Variants in PTK2 observed in about 807,000 individuals in gnomAD.
The protein encoded by PTK2 is focal adhesion kinase 1.
In PTK2, 45 loss-of-function variants were observed where a neutral mutation model predicts 150.1. The observed-to-expected ratio is 0.30, with a 90% CI of 0.24 to 0.38. PTK2 has a LOEUF of 0.38. Ranked by LOEUF, PTK2 falls within the 10% of genes least tolerant of loss-of-function variation. The pLI is 1.00. For missense variants in PTK2, 919 were observed against 1,307.3 expected, an observed-to-expected ratio of 0.70 and a Z score of 4.58; for synonymous variants, 432 against 449.2, an observed-to-expected ratio of 0.96 and a Z score of 0.48.
intron 5 of PTK2, among the ~76,000 whole-genome samples, chr8:140,862,538 C>G (rs1248023555): frequency 6.6e-6 from 1 of 152,160 alleles, no homozygotes; most frequent in African/African-American, 2.4e-5. Flanking sequence ...CGTAAACCCT[C>G]AAAACTTGTC....
At chr8:140,884,445 ACAAT>A (rs2100151292) in intron 3 of PTK2, among the ~76,000 whole-genome samples, 3 of 152,174 alleles carry the variant, frequency 2.0e-5, no homozygotes, top group East Asian at 1.9e-4. Context: ...TGAATCCGTA[ACAAT>A]CAATGTTCAA....
At chr8:140,926,879 G>C (rs919524854) in intron 1 of PTK2, among the ~76,000 whole-genome samples, 5 of 152,096 alleles carry the variant, frequency 3.3e-5, no homozygotes, top group African/African-American at 1.2e-4. Flanking sequence ...ACAAAACCCT[G>C]ACCTTATTAA....
At position 140,931,928 on chromosome 8, in the gene PTK2, C is replaced by CAAAA. The variant is rs765792463; in HGVS notation, c.-121-6183_-121-6180dup. Among the ~76,000 whole-genome samples, 92 of 54,632 alleles carry CAAAA rather than the reference C, an allele frequency of 1.7e-3. 3 individuals carry two copies. The highest frequency in any genetic ancestry group is 6.2e-3 in the African/African-American group (86 of 13,922). 35.8% of individuals were successfully genotyped at this position (54,632 alleles called of 152,430 possible). ...AGCCTGGGCGACAGAGACCCAGTCTCAAAAAAAAAAAAAAAAAAAAAAAAA... is the reference window on the plus strand; with the variant it reads ...AGCCTGGGCGACAGAGACCCAGTCTCAAAAAAAAAAAAAAAAAAAAAAAAAAAAA... On this transcript the variant is annotated intron_variant, in intron 1 of 31. Transcript: ENST00000522684.
chr8:140,829,173 T>C (rs1176088537), intron 8 of PTK2, among the ~76,000 whole-genome samples: 1 of 152,244 alleles, frequency 6.6e-6, no homozygotes, highest in East Asian at 1.9e-4. Context: ...CCTGTACTAT[T>C]CTTAAATGCA....
intron 14 of PTK2, among the ~76,000 whole-genome samples, chr8:140,772,713 C>T (rs1252074780): frequency 6.6e-6 from 1 of 152,008 alleles, no homozygotes; most frequent in East Asian, 1.9e-4. Context: ...AAACTAACAA[C>T]AACAACAACA....
intron 15 of PTK2, 104 bp downstream of exon 17, chr8:140,764,130 A>C: frequency 1.1e-6 from 1 of 901,778 alleles, no homozygotes; most frequent in Non-Finnish European, 1.9e-6. Flanking sequence ...GCATCCAAGG[A>C]AGTATTAAAA....
intron 29 of PTK2, among the ~76,000 whole-genome samples, chr8:140,670,864 C>A (rs2095255721): frequency 6.6e-6 from 1 of 152,298 alleles, no homozygotes; most frequent in South Asian, 2.1e-4. Flanking sequence ...TTCTGTAATT[C>A]TAGGGAGGTT....
At chr8:140,981,521 C>T (rs183950713) in intron 1 of PTK2, among the ~76,000 whole-genome samples, 118 of 152,312 alleles carry the variant, frequency 7.7e-4, no homozygotes, top group Non-Finnish European at 1.3e-3. Flanking sequence ...TGTTATCACC[C>T]TCTACACGAG....
At chr8:140,717,034 G>A (rs1374445300) in intron 23 of PTK2, among the ~76,000 whole-genome samples, 1 of 152,192 alleles carries the variant, frequency 6.6e-6, no homozygotes, top group African/African-American at 2.4e-5. Context: ...AAGAACATAA[G>A]CGGGCAAGTA....
chr8:140,983,446 T>C (rs1332108156), intron 1 of PTK2, among the ~76,000 whole-genome samples: 3 of 151,314 alleles, frequency 2.0e-5, no homozygotes, highest in Non-Finnish European at 4.4e-5. Context: ...ACTGAAACGA[T>C]ATTCACCTAA....
intron 1 of PTK2, among the ~76,000 whole-genome samples, chr8:140,988,071 A>T (rs994190395): frequency 2.6e-5 from 4 of 151,668 alleles, no homozygotes; most frequent in East Asian, 1.9e-4. Context: ...AAAGTTAAAC[A>T]TACACCTACC....
At chr8:140,994,939 C>G (rs1275800803) in intron 1 of PTK2, among the ~76,000 whole-genome samples, 2 of 151,968 alleles carry the variant, frequency 1.3e-5, no homozygotes, top group African/African-American at 4.8e-5. Context: ...ACAAAATTAG[C>G]CTGGTGTGGT....
intron 14 of PTK2, among the ~76,000 whole-genome samples, chr8:140,779,061 G>A (rs1012138895): frequency 6.6e-6 from 1 of 151,932 alleles, no homozygotes; most frequent in Non-Finnish European, 1.5e-5. Flanking sequence ...AGGAGTTTGA[G>A]ACCAGCCTGG....
At chr8:140,950,982 T>G (rs76357261) in intron 1 of PTK2, among the ~76,000 whole-genome samples, 20,407 of 151,918 alleles carry the variant, frequency 0.13, 1,857 homozygotes, top group Admixed American at 0.28. Flanking sequence ...ATATATATAT[T>G]TTTTTAAGTC....
Position 140,949,752 on chromosome 8 carries a change from G to A in PTK2, c.-121-24003C>T, listed in dbSNP as rs116299913. Among the ~76,000 whole-genome samples, 53 of 152,266 alleles carry A rather than the reference G, an allele frequency of 3.5e-4. 1 individual carries two copies. The highest frequency in any genetic ancestry group is 1.2e-3 in the African/African-American group (49 of 41,552). ...GCCTAGGTGCCATGGATGGCTTGTT[G>A]ATGGTGGGAGAAGGCAGAAAGGCTC... On this transcript the variant is annotated intron_variant, in intron 1 of 31. Transcript: ENST00000522684.
intron 10 of PTK2, among the ~76,000 whole-genome samples, chr8:140,807,770 C>T (rs1007019442): frequency 6.6e-6 from 1 of 152,174 alleles, no homozygotes; most frequent in Admixed American, 6.5e-5. Context: ...AAATTAATTG[C>T]ACCTATCTTT....
At chr8:140,991,600 A>C (rs1453975957) in intron 1 of PTK2, among the ~76,000 whole-genome samples, 2 of 152,230 alleles carry the variant, frequency 1.3e-5, no homozygotes, top group African/African-American at 4.8e-5. Flanking sequence ...CAACATACAC[A>C]TACCTCAAAT....
Position 140,867,380 on chromosome 8 carries a change from C to T in PTK2, c.363-2981G>A, listed in dbSNP as rs550061507. 2.6e-5 allele frequency among the ~76,000 whole-genome samples: 4 copies of T among 152,232 alleles called. No individual in the cohort carries two copies. The South Asian group carries it at 8.3e-4, about 32-fold the overall frequency. On this transcript the variant is annotated intron_variant, in intron 4 of 31. Transcript: ENST00000522684. ...GGAATTACATAATCTTCCCTAGATC[C>T]CACAGCTATTTAGAGGTAGGCATGG...
intron 29 of PTK2, among the ~76,000 whole-genome samples, chr8:140,673,811 C>A (rs2100012027): frequency 6.6e-6 from 1 of 152,154 alleles, no homozygotes; most frequent in African/African-American, 2.4e-5. Flanking sequence ...AAACACTCCC[C>A]TTGGTTTGAG....
Sources: gnomAD v4.1 joint callset for allele counts (sites outside exome capture counted in the v4.1 genomes callset) on GRCh38, gnomAD v4.1.1 for gene constraint, MANE v1.5 for transcripts, NCBI Gene and HGNC (gene_info 2026-07-23, HGNC 2026-07-21) for gene names.